The following ST8SIA6 variants were observed in gnomAD, a reference collection of about 807,000 sequenced individuals.
ST8SIA6 encodes the protein alpha-2,8-sialyltransferase 8F.
A neutral mutation model predicts 33.6 loss-of-function variants in ST8SIA6; 39 were observed. The observed-to-expected ratio is 1.16, with a 90% CI of 0.90 to 1.52. The LOEUF (loss-of-function observed/expected upper bound fraction) is 1.52, where lower values mean the gene tolerates loss of function less well. Ranked by LOEUF, ST8SIA6 falls within the 40% of genes most tolerant of loss-of-function variation. The pLI, the probability that ST8SIA6 is intolerant of heterozygous loss-of-function variation, is 0.00. For missense variants in ST8SIA6, 441 were observed against 443.8 expected, an observed-to-expected ratio of 0.99 and a Z score of 0.06; for synonymous variants, 172 against 167.2, an observed-to-expected ratio of 1.03 and a Z score of -0.22.
chr10:17,329,395 T>C (rs181961269), intron 5 of ST8SIA6, among the ~76,000 whole-genome samples: 2 of 151,134 alleles, frequency 1.3e-5, no homozygotes, highest in Non-Finnish European at 2.9e-5. Flanking sequence ...ATTCCATGGA[T>C]TAAAATGATA....
chr10:17,339,447 T>G (rs1358623722), intron 4 of ST8SIA6, among the ~76,000 whole-genome samples: 1 of 152,184 alleles, frequency 6.6e-6, no homozygotes, highest in Non-Finnish European at 1.5e-5. Context: ...TTCTCCATGA[T>G]TCTAATGAGG....
At chr10:17,387,415 C>T (rs1244539604) in intron 3 of ST8SIA6, among the ~76,000 whole-genome samples, 2 of 119,734 alleles carry the variant, frequency 1.7e-5, no homozygotes, top group Non-Finnish European at 3.2e-5. Flanking sequence ...CCACACCCAG[C>T]TCATTTTGTG....
chr10:17,323,219 A>C, intron 6 of ST8SIA6, 62 bp from the exon 7 acceptor site: 7 of 1,144,264 alleles, frequency 6.1e-6, no homozygotes, highest in Non-Finnish European at 7.8e-6. Context: ...TTGTATACAC[A>C]CATATGCGCG....
chr10:17,405,884 C>CAAA (rs10546412), intron 2 of ST8SIA6, among the ~76,000 whole-genome samples: 196 of 85,388 alleles, frequency 2.3e-3, no homozygotes, highest in Admixed American at 5.7e-3. Context: ...GACTCCATTT[C>CAAA]AAAAAAAAAA....
At chr10:17,348,802 TATGCCCTTAGGCTTCACCCAGCAGA>T (rs1362698235) in intron 4 of ST8SIA6, among the ~76,000 whole-genome samples, 1 of 152,010 alleles carries the variant, frequency 6.6e-6, no homozygotes, top group Admixed American at 6.6e-5. Flanking sequence ...ACTTTTCATC[TATGCCCTTAGGCTTCACCCAGCAGA>T]ATCTCAAATA....
intron 2 of ST8SIA6, among the ~76,000 whole-genome samples, chr10:17,397,862 A>G (rs367701788): frequency 1.6e-3 from 238 of 152,340 alleles, no homozygotes; most frequent in African/African-American, 5.1e-3. Flanking sequence ...ACACAAAAAC[A>G]AGCAGTTCTG....
chr10:17,383,878 G>C (rs2131647308), intron 3 of ST8SIA6, among the ~76,000 whole-genome samples: 1 of 152,256 alleles, frequency 6.6e-6, no homozygotes, highest in South Asian at 2.1e-4. Context: ...TTGAGCTACT[G>C]ACAGCTTGTA....
intron 3 of ST8SIA6, among the ~76,000 whole-genome samples, chr10:17,364,574 A>AT (rs1314695253): frequency 1.3e-5 from 2 of 152,052 alleles, no homozygotes; most frequent in Non-Finnish European, 2.9e-5. Context: ...ATAAAAGGGA[A>AT]TTTTTTTCTA....
chr10:17,378,976 A>C (rs890390715), intron 3 of ST8SIA6, among the ~76,000 whole-genome samples: 1 of 152,056 alleles, frequency 6.6e-6, no homozygotes, highest in Non-Finnish European at 1.5e-5. Context: ...AATACAAAAA[A>C]TTAGCTGGGC....
intron 2 of ST8SIA6, among the ~76,000 whole-genome samples, chr10:17,425,851 C>G (rs1351639649): frequency 1.3e-5 from 2 of 151,590 alleles, no homozygotes; most frequent in African/African-American, 2.4e-5. Context: ...GGTATAAGGC[C>G]TAAAATTAAG....
At chr10:17,349,175 G>A (rs17140640) in intron 4 of ST8SIA6, among the ~76,000 whole-genome samples, 1,710 of 152,280 alleles carry the variant, frequency 0.011, 34 homozygotes, top group African/African-American at 0.039. Flanking sequence ...ACCAAAGAAA[G>A]TTCAAACAGA....
At chr10:17,446,915 G>C (rs1852727736) in intron 2 of ST8SIA6, among the ~76,000 whole-genome samples, 1 of 150,672 alleles carries the variant, frequency 6.6e-6, no homozygotes, top group African/African-American at 2.4e-5. Flanking sequence ...CGTGGTGGCA[G>C]ATGCTGCCTG....
intron 7 of ST8SIA6, among the ~76,000 whole-genome samples, chr10:17,321,789 T>C (rs547924337): frequency 6.6e-6 from 1 of 152,292 alleles, no homozygotes; most frequent in South Asian, 2.1e-4. Flanking sequence ...ACATATTTCA[T>C]TATAAGTTTC....
At chr10:17,397,199 C>T (rs1274949966) in intron 2 of ST8SIA6, among the ~76,000 whole-genome samples, 5 of 150,916 alleles carry the variant, frequency 3.3e-5, no homozygotes, top group Non-Finnish European at 5.9e-5. Flanking sequence ...TCATTTTCTC[C>T]GCGAGGGGTT....
At chr10:17,336,117 G>T (rs59985753) in intron 4 of ST8SIA6, among the ~76,000 whole-genome samples, 1 of 151,740 alleles carries the variant, frequency 6.6e-6, no homozygotes, top group Non-Finnish European at 1.5e-5. Flanking sequence ...CGACACGCCC[G>T]GCTTATGTTT....
chr10:17,447,584 A>G lies in ST8SIA6; in HGVS notation c.200+5975T>C, dbSNP rs144557450. Among the ~76,000 whole-genome samples the G allele has an allele frequency of 1.1e-3, 169 of 152,308 alleles. 1 individual carries two copies. The highest frequency in any genetic ancestry group is 2.0e-3 in the Non-Finnish European group (135 of 68,028). On this transcript the variant is annotated intron_variant, in intron 2 of 7. Coordinates refer to ENST00000377602, the MANE Select transcript of ST8SIA6 (RefSeq NM_001004470.3). ...AAGCTTATGACCAAGAAAGAAATAA[A>G]GAACAAAGAACTGAAGAAATGAGGA...
intron 2 of ST8SIA6, among the ~76,000 whole-genome samples, chr10:17,441,162 C>T (rs771922735): frequency 6.6e-6 from 1 of 151,948 alleles, no homozygotes; most frequent in African/African-American, 2.4e-5. Context: ...TTTGGTGCCA[C>T]ATCTAAGAAT....
intron 7 of ST8SIA6, among the ~76,000 whole-genome samples, chr10:17,322,550 G>A (rs1447061645): frequency 1.3e-5 from 2 of 152,064 alleles, no homozygotes; most frequent in Admixed American, 6.6e-5. Flanking sequence ...CACTTTTGAC[G>A]AAAACAATGG....
At chr10:17,365,738 C>T (rs1358288548) in intron 3 of ST8SIA6, among the ~76,000 whole-genome samples, 2 of 152,168 alleles carry the variant, frequency 1.3e-5, no homozygotes, top group Non-Finnish European at 2.9e-5. Flanking sequence ...AGGGGAACTA[C>T]TGTATTGGGT....
Sources: allele counts gnomAD v4.1 joint callset (sites outside exome capture counted in the v4.1 genomes callset), GRCh38; gene constraint gnomAD v4.1.1; transcripts MANE v1.5; gene names NCBI Gene and HGNC (gene_info 2026-07-23, HGNC 2026-07-21).